Variants in TRIML2 observed in about 807,000 individuals in gnomAD.
TRIML2 encodes tripartite motif family like 2.
Under a neutral mutation model 31.2 loss-of-function variants are expected in TRIML2, and 28 were observed. The observed-to-expected ratio is 0.90, with a 90% CI of 0.66 to 1.23. The LOEUF is 1.23. TRIML2 is among the 50% of genes most tolerant of loss of function. TRIML2 has a pLI of 0.00. For synonymous variants in TRIML2, 187 were observed against 197.5 expected (o/e 0.95, Z 0.45); for missense variants, 536 against 528.3 (o/e 1.01, Z -0.14).
At chr4:188,108,255 C>A (rs764312039) in intron 1 of TRIML2, among the ~76,000 whole-genome samples, 9 of 152,090 alleles carry the variant, frequency 5.9e-5, no homozygotes, top group Non-Finnish European at 1.3e-4. Flanking sequence ...AAGTTCCATT[C>A]TCCGATTTCA....
Position 188,094,427 on chromosome 4 carries a change from T to C in TRIML2, c.746-2486A>G, listed in dbSNP as rs114329004. Among the ~76,000 whole-genome samples, 1,080 of 152,350 alleles carry C rather than the reference T, an allele frequency of 7.1e-3. 18 individuals carry two copies. The highest frequency in any genetic ancestry group is 0.025 in the African/African-American group (1,026 of 41,580). On this transcript the variant is annotated intron_variant, in intron 7 of 7. Transcript: ENST00000682553. Reference sequence around the variant, plus strand: ...CTAATGAGTGAGTTTTGCATAGTTATAGGGTACAAATGTCAATATATATAA... The same window carrying C: ...CTAATGAGTGAGTTTTGCATAGTTACAGGGTACAAATGTCAATATATATAA...
At chr4:188,103,243 G>A (rs546090419) in intron 3 of TRIML2, among the ~76,000 whole-genome samples, 3 of 151,926 alleles carry the variant, frequency 2.0e-5, no homozygotes, top group Non-Finnish European at 2.9e-5. Flanking sequence ...CTCGTGATCC[G>A]CCCGCCTCGG....
rs1733762265 is a variant in TRIML2, at chr4:188,101,055, C to G, written c.480+1G>C. 10 of 1,603,332 alleles carry G rather than the reference C, an allele frequency of 6.2e-6. No homozygotes were observed. Among genetic ancestry groups the G allele is most frequent in the African/African-American group, 1.3e-5 (1 of 74,684 alleles). On this transcript the variant is annotated splice_donor_variant, in intron 4 of 7. Coordinates refer to ENST00000682553, the MANE Select transcript of TRIML2 (RefSeq NM_173553.4). LOFTEE classifies it high-confidence loss of function. ...TGAGGATGTTGTTTTCAATATCTCA[C>G]CTGTAGCATTTCCTGGAACATCTCC...
At chr4:188,099,415 T>C (rs1255016693) in intron 4 of TRIML2, among the ~76,000 whole-genome samples, 2 of 152,026 alleles carry the variant, frequency 1.3e-5, no homozygotes, top group Admixed American at 1.3e-4. Flanking sequence ...AGTACAAAAA[T>C]TAGCCAGGCG....
intron 3 of TRIML2, 50 bp from the exon 4 acceptor site, chr4:188,101,300 A>AAC (rs752200032): frequency 1.2e-5 from 14 of 1,140,500 alleles, no homozygotes; most frequent in Middle Eastern, 4.6e-4. Context: ...ATAGATTAAC[A>AAC]ACACACACAC....
At chr4:188,101,009 CT>C (rs1365132479) in intron 4 of TRIML2, 46 bp downstream of exon 4, 7 of 1,526,696 alleles carry the variant, frequency 4.6e-6, no homozygotes, top group Non-Finnish European at 6.2e-6. Flanking sequence ...TTTAGCTCTT[CT>C]TTTTCTCATT....
chr4:188,103,351 T>A (rs1212821114), intron 3 of TRIML2, among the ~76,000 whole-genome samples: 1 of 152,228 alleles, frequency 6.6e-6, no homozygotes, highest in African/African-American at 2.4e-5. Flanking sequence ...CGTGTTTCTA[T>A]GAAAATGGAA....
At chr4:188,094,321 G>A (rs879839579) in intron 7 of TRIML2, among the ~76,000 whole-genome samples, 4 of 152,096 alleles carry the variant, frequency 2.6e-5, no homozygotes, top group Admixed American at 6.6e-5. Context: ...GACTGGAAAG[G>A]CAGAAATAAA....
chr4:188,103,218 T>C (rs921416035), intron 3 of TRIML2, among the ~76,000 whole-genome samples: 4 of 152,006 alleles, frequency 2.6e-5, no homozygotes, highest in Non-Finnish European at 4.4e-5. Context: ...GCCAGGATGG[T>C]CTCGATCTCC....
At chr4:188,092,682 T>A (rs1490333341) in intron 7 of TRIML2, 1 of 435,570 alleles carries the variant, frequency 2.3e-6, no homozygotes, top group Non-Finnish European at 4.6e-6. Flanking sequence ...CAGGGTGACA[T>A]AGAGGCCTGG....
chr4:188,093,763 A>C (rs1733374298), intron 7 of TRIML2, among the ~76,000 whole-genome samples: 1 of 146,460 alleles, frequency 6.8e-6, no homozygotes, highest in African/African-American at 2.7e-5. Context: ...AGTAAACCAG[A>C]AATAAAGGGG....
chr4:188,101,398 A>G, intron 3 of TRIML2, 148 bp from the exon 4 acceptor site: 1 of 462,076 alleles, frequency 2.2e-6, no homozygotes, highest in Non-Finnish European at 3.6e-6. Flanking sequence ...TCTAACCCCA[A>G]TATAAAGACA....
At chr4:188,103,477 C>T (rs1392821948) in intron 3 of TRIML2, among the ~76,000 whole-genome samples, 4 of 152,048 alleles carry the variant, frequency 2.6e-5, no homozygotes, top group Non-Finnish European at 5.9e-5. Flanking sequence ...TCACCTACAG[C>T]CCCCGTTTCC....
chr4:188,098,373 T>A (rs761884584), intron 5 of TRIML2: 22 of 342,142 alleles, frequency 6.4e-5, no homozygotes, highest in Non-Finnish European at 1.2e-4. Flanking sequence ...TTCCTCGGCC[T>A]CTTTTATAAG....
chr4:188,097,192 C>T, intron 6 of TRIML2, 31 bp from the exon 7 acceptor site: 7 of 1,603,716 alleles, frequency 4.4e-6, no homozygotes, highest in Non-Finnish European at 6.0e-6. Flanking sequence ...CAGTCATCTG[C>T]ACAGACCACA....
intron 4 of TRIML2, among the ~76,000 whole-genome samples, chr4:188,099,712 T>C (rs578163481): frequency 5.3e-5 from 8 of 152,298 alleles, no homozygotes; most frequent in Non-Finnish European, 8.8e-5. Flanking sequence ...TTGCCCCCTG[T>C]TATGTATGTT....
At position 188,093,678 on chromosome 4, in the gene TRIML2, A is replaced by C. The variant is rs570463952; in HGVS notation, c.746-1737T>G. Among the ~76,000 whole-genome samples the C allele has an allele frequency of 3.4e-5, 5 of 147,108 alleles. No individual in the cohort carries two copies. In the South Asian group the frequency reaches 1.1e-3, roughly 32 times the overall value. ...CTCATCTCAAAAACAAAAACAAAAA[A>C]GGTTGAAGAAACAACAGGAGTATCT... On this transcript the variant is annotated intron_variant, in intron 7 of 7. Transcript: ENST00000682553.
At chr4:188,107,139 C>G (rs746449519) in intron 1 of TRIML2, among the ~76,000 whole-genome samples, 6 of 152,014 alleles carry the variant, frequency 3.9e-5, no homozygotes, top group Admixed American at 2.0e-4. Context: ...CTCAGCCTCC[C>G]GAGTAGCTGG....
At chr4:188,103,574 TC>T (rs1415450333) in intron 3 of TRIML2, among the ~76,000 whole-genome samples, 1 of 151,920 alleles carries the variant, frequency 6.6e-6, no homozygotes, top group East Asian at 1.9e-4. Flanking sequence ...CATGGCCCAA[TC>T]CCCCACCTCC....
Sources: allele counts gnomAD v4.1 joint callset (sites outside exome capture counted in the v4.1 genomes callset), GRCh38; gene constraint gnomAD v4.1.1; transcripts MANE v1.5; gene names NCBI Gene and HGNC (gene_info 2026-07-23, HGNC 2026-07-21).